The following QKI variants were observed in gnomAD, a reference collection of about 807,000 sequenced individuals.
QKI encodes KH domain-containing RNA-binding protein QKI.
QKI carries 10 observed loss-of-function variants against 39.0 expected under a neutral mutation model. The ratio of observed to expected loss-of-function variants is 0.26; its 90% CI spans 0.16 to 0.43. QKI has a LOEUF of 0.43. Ranked by LOEUF, QKI falls within the 20% of genes least tolerant of loss-of-function variation. The pLI, the probability that QKI is intolerant of heterozygous loss-of-function variation, is 1.00. For synonymous variants in QKI, 204 were observed against 155.4 expected, an observed-to-expected ratio of 1.31 and a Z score of -2.33; for missense variants, 218 against 428.0, an observed-to-expected ratio of 0.51 and a Z score of 4.33.
chr6:163,531,143 A>G lies in QKI; in HGVS notation c.403-3839A>G, dbSNP rs146130104. Among the ~76,000 whole-genome samples, 309 of 152,198 alleles carry G rather than the reference A, an allele frequency of 2.0e-3. 1 individual carries two copies. Among genetic ancestry groups the G allele is most frequent in the African/African-American group, 7.0e-3 (292 of 41,526 alleles). On this transcript the variant is annotated intron_variant, in intron 3 of 7. Transcript: ENST00000361752. Reference sequence around the variant, plus strand: ...TTGCAGGAGTTTCTATTTGTATTCAAAATTTTTAAATAGAGCATTCTTGTT... The same window carrying G: ...TTGCAGGAGTTTCTATTTGTATTCAGAATTTTTAAATAGAGCATTCTTGTT...
chr6:163,497,934 C>G (rs1193690728), intron 3 of QKI, among the ~76,000 whole-genome samples: 3 of 151,982 alleles, frequency 2.0e-5, no homozygotes, highest in African/African-American at 4.8e-5. Context: ...ACTTTTGTTA[C>G]TAGCTATCAT....
At chr6:163,444,542 TAAAG>T (rs146012282) in intron 1 of QKI, among the ~76,000 whole-genome samples, 12,083 of 42,930 alleles carry the variant, frequency 0.28, 542 homozygotes, top group Middle Eastern at 0.36. Context: ...AGCAGTATAT[TAAAG>T]AAAATCTAAA....
chr6:163,482,150 A>G (rs975052932), intron 3 of QKI, among the ~76,000 whole-genome samples: 19 of 152,002 alleles, frequency 1.2e-4, no homozygotes, highest in African/African-American at 4.4e-4. Flanking sequence ...GTGCCACTGC[A>G]CTCCAGCTTG....
intron 3 of QKI, among the ~76,000 whole-genome samples, chr6:163,489,904 A>G (rs1367023053): frequency 6.6e-6 from 1 of 152,096 alleles, no homozygotes; most frequent in Non-Finnish European, 1.5e-5. Context: ...CCCTGTGAGA[A>G]ATGGTTTTTT....
At position 163,415,345 on chromosome 6, in the gene QKI, T is replaced by G. The variant is rs1428638448; in HGVS notation, c.142+10T>G. On this transcript the variant is annotated intron_variant, in intron 1 of 7. Transcript: ENST00000361752. ...CGGCTGCTGGACGAAGGTGAGCGTC[T>G]CCAGGGCCCCGGCCCCGGCCCGACC... 3 of 1,514,632 alleles carry G rather than the reference T, an allele frequency of 2.0e-6. No individual in the cohort carries two copies. Among genetic ancestry groups the G allele is most frequent in the Non-Finnish European group, 2.7e-6 (3 of 1,119,504 alleles). The allele number at this position is 1,514,632 out of a possible 1,614,324, so 93.8% of individuals were successfully genotyped here. A position where few individuals can be genotyped will look rare whatever the true frequency, so the allele number is the denominator to read the frequency against.
intron 1 of QKI, among the ~76,000 whole-genome samples, chr6:163,427,715 C>A (rs2128209812): frequency 6.6e-6 from 1 of 151,994 alleles, no homozygotes; most frequent in East Asian, 1.9e-4. Context: ...GCAATATGAT[C>A]CAGAAAGATA....
chr6:163,485,811 G>A (rs1777632079), intron 3 of QKI, among the ~76,000 whole-genome samples: 1 of 152,184 alleles, frequency 6.6e-6, no homozygotes, highest in Non-Finnish European at 1.5e-5. Flanking sequence ...CCATTCCAGG[G>A]CTGCTAATAA....
chr6:163,535,835 G>A (rs1034527336), intron 4 of QKI, among the ~76,000 whole-genome samples: 11 of 152,174 alleles, frequency 7.2e-5, no homozygotes, highest in Non-Finnish European at 1.6e-4. Flanking sequence ...GGGAGGCTGA[G>A]GCATGAGAAT....
intron 1 of QKI, among the ~76,000 whole-genome samples, chr6:163,421,928 A>G (rs890737298): frequency 6.6e-6 from 1 of 151,712 alleles, no homozygotes; most frequent in Non-Finnish European, 1.5e-5. Context: ...TATTTTTAGT[A>G]GAGACGGGGT....
intron 3 of QKI, among the ~76,000 whole-genome samples, chr6:163,487,513 C>CT (rs1375789490): frequency 1.3e-5 from 2 of 152,112 alleles, no homozygotes; most frequent in Non-Finnish European, 2.9e-5. Context: ...CATTAATATG[C>CT]TTTTAAAATA....
intron 3 of QKI, among the ~76,000 whole-genome samples, chr6:163,522,878 G>A (rs1483162859): frequency 1.3e-5 from 2 of 151,784 alleles, no homozygotes; most frequent in Non-Finnish European, 1.5e-5. Flanking sequence ...TGGGGAGTAC[G>A]AACACTGCAG....
chr6:163,435,602 A>G (rs1393795349), intron 1 of QKI, among the ~76,000 whole-genome samples: 1 of 152,218 alleles, frequency 6.6e-6, no homozygotes. Flanking sequence ...AGTTTTATAC[A>G]TTAAAGCCTT....
At chr6:163,481,676 C>T (rs1311616657) in intron 3 of QKI, among the ~76,000 whole-genome samples, 1 of 152,100 alleles carries the variant, frequency 6.6e-6, no homozygotes, top group East Asian at 1.9e-4. Context: ...TTTTCATTTT[C>T]TTGGATTGTT....
chr6:163,480,296 CCTTT>C (rs1323289411), intron 3 of QKI, among the ~76,000 whole-genome samples: 8 of 151,854 alleles, frequency 5.3e-5, no homozygotes, highest in Non-Finnish European at 1.2e-4. Context: ...TTCCTTCCTT[CCTTT>C]CTTTCCATTG....
chr6:163,570,053 T>G (rs1486753290), intron 7 of QKI: 1 of 986,174 alleles, frequency 1.0e-6, no homozygotes, highest in Non-Finnish European at 1.2e-6. Flanking sequence ...GACTACAGTT[T>G]AGTATCGCTT....
Position 163,574,561 on chromosome 6 carries a change from T to C in QKI, c.*3851T>C, listed in dbSNP as rs1562563487. 1 of 152,146 alleles carries C rather than the reference T, an allele frequency of 6.6e-6. No individual in the cohort carries two copies. The highest frequency in any genetic ancestry group is 1.5e-5 in the Non-Finnish European group (1 of 68,030). The allele number at this position is 152,146 out of a possible 1,614,324, so 9.4% of individuals were successfully genotyped here. On this transcript the variant is annotated 3_prime_UTR_variant, in exon 8 of 8. Transcript: ENST00000361752. The stretch of plus-strand genomic sequence containing the variant: ...TCAGACTAAAACATTAAACAAGAAG[T>C]TTAAGGGGGAATAACATTGGGATTT...
chr6:163,462,242 C>T (rs561548653), intron 2 of QKI, among the ~76,000 whole-genome samples: 18 of 152,314 alleles, frequency 1.2e-4, no homozygotes, highest in African/African-American at 4.3e-4. Flanking sequence ...AGGCGGGAGC[C>T]ACTGCGCCCA....
intron 3 of QKI, among the ~76,000 whole-genome samples, chr6:163,531,022 A>G (rs1326648216): frequency 1.3e-5 from 2 of 150,594 alleles, no homozygotes; most frequent in South Asian, 2.1e-4. Context: ...GTTCTGCACC[A>G]TTTTTTTTTA....
chr6:163,506,851 A>G (rs1160816293), intron 3 of QKI, among the ~76,000 whole-genome samples: 1 of 152,024 alleles, frequency 6.6e-6, no homozygotes, highest in Non-Finnish European at 1.5e-5. Flanking sequence ...CACCCCTTTC[A>G]GTGTTGTGTT....
Sources: gnomAD v4.1 joint callset for allele counts (sites outside exome capture counted in the v4.1 genomes callset) on GRCh38, gnomAD v4.1.1 for gene constraint, MANE v1.5 for transcripts, NCBI Gene and HGNC (gene_info 2026-07-23, HGNC 2026-07-21) for gene names.